The following PSMD12 variants were observed in gnomAD, a reference collection of about 807,000 sequenced individuals.
The protein encoded by PSMD12 is 26S proteasome non-ATPase regulatory subunit 12.
PSMD12 carries 8 observed loss-of-function variants against 62.9 expected under a neutral mutation model. That is an observed-to-expected ratio of 0.13 (90% CI 0.07 to 0.23). PSMD12 has a LOEUF of 0.23. PSMD12 is among the 10% of genes least tolerant of loss of function. The pLI, the probability that PSMD12 is intolerant of heterozygous loss-of-function variation, is 1.00. For missense variants in PSMD12, 424 were observed against 550.2 expected, an observed-to-expected ratio of 0.77 and a Z score of 2.29; for synonymous variants, 173 against 187.4, an observed-to-expected ratio of 0.92 and a Z score of 0.63.
chr17:67,347,882 G>A (rs2041982763), intron 5 of PSMD12, among the ~76,000 whole-genome samples: 1 of 152,140 alleles, frequency 6.6e-6, no homozygotes, highest in Non-Finnish European at 1.5e-5. Context: ...AATATAGTAT[G>A]TAACTCTTTG....
chr17:67,344,490 G>A (rs1334436022), intron 9 of PSMD12, 116 bp downstream of exon 9: 3 of 957,454 alleles, frequency 3.1e-6, no homozygotes, highest in Non-Finnish European at 3.0e-6. Flanking sequence ...TGAACATTTG[G>A]TTATCAAATG....
rs772093421 is a variant in PSMD12 at position 67,345,729 on chromosome 17, T to C, written c.908+16A>G. On this transcript the variant is annotated intron_variant, in intron 8 of 10. Coordinates refer to ENST00000356126, the MANE Select transcript of PSMD12 (RefSeq NM_002816.5). ...TTTCGACTGAGATATATCATGCTAA[T>C]TTCAAAAGTACTTACTTGTATTTGG... The C allele has an allele frequency of 4.4e-6, 7 of 1,575,606 alleles. No individual in the cohort carries two copies. Among genetic ancestry groups the C allele is most frequent in the Non-Finnish European group, 5.2e-6 (6 of 1,146,672 alleles).
At chr17:67,354,629 G>T (rs2042049692) in intron 3 of PSMD12, among the ~76,000 whole-genome samples, 2 of 152,104 alleles carry the variant, frequency 1.3e-5, no homozygotes, top group African/African-American at 4.8e-5. Context: ...AGAAAATAGA[G>T]TAAGACGATG....
At position 67,345,789 on chromosome 17, in the gene PSMD12, G is replaced by A. The variant is rs1413801031; in HGVS notation, c.864C>T (p.His288=). ...CTAACTTCTTGTCACCACTTATTCG[G>A]TGAACCAAATCTGACTGTTCATTGT... The part of the protein sequence containing the change: ...PFDNEQSDLV[H]RISGDKKLEE... Residue 288 remains histidine (H), a synonymous_variant, in exon 8 of 11, where the codon CAC becomes CAT. Coordinates refer to ENST00000356126, the MANE Select transcript of PSMD12 (RefSeq NM_002816.5). 6.2e-7 allele frequency: 1 copy of A among 1,613,450 alleles called. No individual in the cohort carries two copies. Among genetic ancestry groups the A allele is most frequent in the Non-Finnish European group, 8.5e-7 (1 of 1,179,658 alleles).
In PSMD12 at chr17:67,346,590, A is replaced by G. The variant is rs544414384; in HGVS notation, c.795+526T>C. 1.2e-3 allele frequency among the ~76,000 whole-genome samples: 180 copies of G among 152,136 alleles called. 3 individuals carry two copies. The South Asian group carries it at 0.027, about 23-fold the overall frequency. On this transcript the variant is annotated intron_variant, in intron 7 of 10. Coordinates refer to ENST00000356126, the MANE Select transcript of PSMD12 (RefSeq NM_002816.5). ...AAAAACAAACAAAAAACAAATAAACAAACAAAAAAAAGTCTTAAGGGGAAA... is the reference window on the plus strand; with the variant it reads ...AAAAACAAACAAAAAACAAATAAACGAACAAAAAAAAGTCTTAAGGGGAAA...
chr17:67,348,515 CAA>C, intron 5 of PSMD12, 33 bp downstream of exon 5: 1 of 1,551,964 alleles, frequency 6.4e-7, no homozygotes, highest in Non-Finnish European at 8.9e-7. Context: ...GCTGACAAAA[CAA>C]AGTTTTACCA....
chr17:67,342,079 T>C (rs2041920127), intron 10 of PSMD12, 107 bp downstream of exon 10: 18 of 857,182 alleles, frequency 2.1e-5, no homozygotes, highest in Non-Finnish European at 3.3e-5. Flanking sequence ...ATTACTCTAT[T>C]ACCTAAACAT....
In PSMD12 at chr17:67,342,905, C is replaced by T. The variant is rs1000811001; in HGVS notation, c.1084-642G>A. On this transcript the variant is annotated intron_variant, in intron 9 of 10. Coordinates refer to ENST00000356126, the MANE Select transcript of PSMD12 (RefSeq NM_002816.5). ...GTGCTATGACTGTGCCACTGTACTC[C>T]AGTCTGGATGACAGAGCTACACTGA... is the stretch of plus-strand genomic sequence containing the variant. Among the ~76,000 whole-genome samples the T allele has an allele frequency of 3.4e-5, 5 of 148,194 alleles. No individual in the cohort carries two copies. In the South Asian group the frequency reaches 1.1e-3, roughly 32 times the overall value.
At chr17:67,363,909 C>T (rs184289822) in intron 1 of PSMD12, among the ~76,000 whole-genome samples, 40 of 151,928 alleles carry the variant, frequency 2.6e-4, no homozygotes, top group Admixed American at 4.6e-4. Flanking sequence ...ATAAGCTGGA[C>T]GTAGTGGTGC....
In PSMD12 at chr17:67,338,333, C is replaced by A. The variant is rs769392691; in HGVS notation, c.*2510G>T. The stretch of plus-strand genomic sequence containing the variant: ...TGTAAAACAGGATTAATTGAGGTTC[C>A]GAACAACTCAAATATTTCACTATTG... On this transcript the variant is annotated 3_prime_UTR_variant, in exon 11 of 11. Transcript: ENST00000356126. The A allele has an allele frequency of 6.6e-6, 1 of 152,080 alleles. No homozygotes were observed. The highest frequency in any genetic ancestry group is 2.4e-5 in the African/African-American group (1 of 41,410). The allele number at this position is 152,080 out of a possible 1,614,324, so 9.4% of individuals were successfully genotyped here.
Position 67,352,285 on chromosome 17 carries a change from C to T in PSMD12, c.298-1949G>A, listed in dbSNP as rs765196087. Reference sequence around the variant, plus strand: ...TATTTTTAAAGTTTTTTTGTAAAGACAGGGGTCTCACCATCTTCATGCCCA... The same window carrying T: ...TATTTTTAAAGTTTTTTTGTAAAGATAGGGGTCTCACCATCTTCATGCCCA... On this transcript the variant is annotated intron_variant, in intron 3 of 10. Coordinates refer to ENST00000356126, the MANE Select transcript of PSMD12 (RefSeq NM_002816.5). Among the ~76,000 whole-genome samples the T allele has an allele frequency of 3.7e-4, 57 of 152,096 alleles. 1 individual carries two copies. Among genetic ancestry groups the T allele is most frequent in the South Asian group, 2.5e-3 (12 of 4,818 alleles).
At chr17:67,351,107 AT>A (rs1205626368) in intron 3 of PSMD12, among the ~76,000 whole-genome samples, 1 of 152,128 alleles carries the variant, frequency 6.6e-6, no homozygotes, top group Non-Finnish European at 1.5e-5. Context: ...AATCAGGACC[AT>A]GGGTCAGGCG....
In PSMD12 at chr17:67,339,321, G is replaced by C. The variant is rs2041888915; in HGVS notation, c.*1522C>G. ...AGACAGGGTTTTGCCATGTTGGCCA[G>C]GCTAGTCTCGAAATCCTGACCTTAG... On this transcript the variant is annotated 3_prime_UTR_variant, in exon 11 of 11. Transcript: ENST00000356126. 6.6e-6 allele frequency: 1 copy of C among 152,168 alleles called. No individual in the cohort carries two copies. The highest frequency in any genetic ancestry group is 2.4e-5 in the African/African-American group (1 of 41,430). 9.4% of individuals were successfully genotyped at this position (152,168 alleles called of 1,614,324 possible). A position where few individuals can be genotyped will look rare whatever the true frequency, so the allele number is the denominator to read the frequency against.
intron 4 of PSMD12, 21 bp from the exon 5 acceptor site, chr17:67,348,675 C>A: frequency 6.3e-7 from 1 of 1,592,312 alleles, no homozygotes; most frequent in Non-Finnish European, 8.6e-7. Context: ...GAAATTTACA[C>A]AATCAAAATT....
Position 67,354,228 on chromosome 17 carries a change from T to C in PSMD12, c.297+3075A>G, listed in dbSNP as rs141394577. Among the ~76,000 whole-genome samples, 111 of 152,230 alleles carry C rather than the reference T, an allele frequency of 7.3e-4. 1 individual carries two copies. In the East Asian group the frequency reaches 0.013, roughly 18 times the overall value. On this transcript the variant is annotated intron_variant, in intron 3 of 10. Coordinates refer to ENST00000356126, the MANE Select transcript of PSMD12 (RefSeq NM_002816.5). ...TCACGAATTAGAGGCCTGGTCAACA[T>C]AGCAGGACTCCGTCTCTACAAAAAG...
intron 3 of PSMD12, among the ~76,000 whole-genome samples, chr17:67,353,613 T>C (rs1303598795): frequency 6.6e-6 from 1 of 152,092 alleles, no homozygotes; most frequent in Non-Finnish European, 1.5e-5. Flanking sequence ...AGCCAAAAAG[T>C]TTATTTTCTT....
At chr17:67,347,015 C>G (rs1269033549) in intron 7 of PSMD12, 101 bp downstream of exon 7, 9 of 1,250,712 alleles carry the variant, frequency 7.2e-6, no homozygotes, top group Non-Finnish European at 1.0e-5. Context: ...CAGCACCATA[C>G]AATTGCATCT....
At chr17:67,345,320 A>G (rs2041954497) in intron 8 of PSMD12, among the ~76,000 whole-genome samples, 1 of 152,214 alleles carries the variant, frequency 6.6e-6, no homozygotes, top group Non-Finnish European at 1.5e-5. Context: ...TTTATTCTCT[A>G]GTATACGCTA....
intron 1 of PSMD12, chr17:67,361,186 A>T (rs1013879081): frequency 6.6e-6 from 1 of 152,252 alleles, no homozygotes; most frequent in Non-Finnish European, 1.5e-5. Flanking sequence ...TTCAACATCA[A>T]TGTTGAGTAT....
Sources: gnomAD v4.1 joint callset for allele counts (sites outside exome capture counted in the v4.1 genomes callset) on GRCh38, gnomAD v4.1.1 for gene constraint, MANE v1.5 for transcripts, NCBI Gene and HGNC (gene_info 2026-07-23, HGNC 2026-07-21) for gene names.